The following TNIK variants were observed in gnomAD, a reference collection of about 807,000 sequenced individuals.
TNIK encodes TRAF2 and NCK interacting kinase.
A neutral mutation model predicts 191.3 loss-of-function variants in TNIK; 49 were observed. The observed-to-expected ratio is 0.26, with a 90% confidence interval of 0.20 to 0.32. The LOEUF is 0.32. Ranked by LOEUF, TNIK falls within the 10% of genes least tolerant of loss-of-function variation. TNIK has a pLI of 1.00. For missense variants in TNIK, 1,155 were observed against 1,702.3 expected (o/e 0.68, Z 5.66); for synonymous variants, 594 against 600.9 (o/e 0.99, Z 0.17).
intron 3 of TNIK, 68 bp downstream of exon 3, chr3:171,228,097 G>T: frequency 6.5e-7 from 1 of 1,527,330 alleles, no homozygotes; most frequent in Non-Finnish European, 9.1e-7. Flanking sequence ...GGCCTATCAG[G>T]ATGTGAACTC....
At chr3:171,293,999 C>T (rs908315027) in intron 2 of TNIK, among the ~76,000 whole-genome samples, 2 of 151,982 alleles carry the variant, frequency 1.3e-5, no homozygotes, top group East Asian at 1.9e-4. Context: ...CTGAGGCAGG[C>T]GGATTGCCTG....
chr3:171,283,340 G>A (rs961141006), intron 2 of TNIK, among the ~76,000 whole-genome samples: 1 of 151,736 alleles, frequency 6.6e-6, no homozygotes, highest in East Asian at 1.9e-4. Flanking sequence ...CTCTTTTGAT[G>A]GGGGATGAGG....
intron 2 of TNIK, among the ~76,000 whole-genome samples, chr3:171,232,416 A>G (rs1374912519): frequency 6.6e-6 from 1 of 152,126 alleles, no homozygotes; most frequent in Non-Finnish European, 1.5e-5. Flanking sequence ...AAAGGAGATA[A>G]AAGAGTTTAA....
chr3:171,278,472 A>AT (rs1238312681), intron 2 of TNIK, among the ~76,000 whole-genome samples: 4 of 152,170 alleles, frequency 2.6e-5, no homozygotes, highest in Non-Finnish European at 4.4e-5. Context: ...ATAGATACTT[A>AT]TTTTTTTAAA....
intron 10 of TNIK, among the ~76,000 whole-genome samples, chr3:171,162,326 A>G (rs1187475800): frequency 6.6e-6 from 1 of 152,188 alleles, no homozygotes; most frequent in Non-Finnish European, 1.5e-5. Context: ...TGGGAGGCTG[A>G]GGCAGGAGAA....
At chr3:171,142,367 G>A (rs1332440674) in intron 12 of TNIK, among the ~76,000 whole-genome samples, 1 of 152,228 alleles carries the variant, frequency 6.6e-6, no homozygotes, top group Non-Finnish European at 1.5e-5. Flanking sequence ...GAGAGTCCAT[G>A]TTTATAATCA....
At position 171,211,684 on chromosome 3, in the gene TNIK, A is replaced by G. The variant is rs116314430; in HGVS notation, c.181-443T>C. ...ATTTTGTTAGGTTCATTTTCTTTGAAGGCTCCTTTCATTGAAGTACCTGAC... is the reference window on the plus strand; with the variant it reads ...ATTTTGTTAGGTTCATTTTCTTTGAGGGCTCCTTTCATTGAAGTACCTGAC... On this transcript the variant is annotated intron_variant, in intron 3 of 32. Transcript: ENST00000436636. Among the ~76,000 whole-genome samples, 250 of 152,272 alleles carry G rather than the reference A, an allele frequency of 1.6e-3. 1 individual carries two copies. Among genetic ancestry groups the G allele is most frequent in the South Asian group, 3.1e-3 (15 of 4,826 alleles).
chr3:171,112,971 T>C (rs1047101968), intron 18 of TNIK, among the ~76,000 whole-genome samples: 2 of 152,120 alleles, frequency 1.3e-5, no homozygotes, highest in South Asian at 2.1e-4. Context: ...AGGCCTAAGT[T>C]TGGGGTGTGT....
chr3:171,435,455 G>C (rs1414334966), intron 1 of TNIK, among the ~76,000 whole-genome samples: 1 of 152,228 alleles, frequency 6.6e-6, no homozygotes, highest in African/African-American at 2.4e-5. Flanking sequence ...GGAACCAACA[G>C]TGTGCACCAC....
rs1257630060 is a variant in TNIK, at chr3:171,060,006, T to C, written c.*3875A>G. 6.6e-6 allele frequency among the ~76,000 whole-genome samples: 1 copy of C among 152,150 alleles called. No homozygotes were observed. Among genetic ancestry groups the C allele is most frequent in the African/African-American group, 2.4e-5 (1 of 41,438 alleles). On this transcript the variant is annotated 3_prime_UTR_variant, in exon 33 of 33. Transcript: ENST00000436636. Reference sequence around the variant, plus strand: ...CCTGCAGTAGGTTAAAATTAAAAGTTTTATCAATAACTATTTTTTTTCTTA... The same window carrying C: ...CCTGCAGTAGGTTAAAATTAAAAGTCTTATCAATAACTATTTTTTTTCTTA...
At chr3:171,164,386 A>T (rs1354296691) in intron 10 of TNIK, among the ~76,000 whole-genome samples, 1 of 152,256 alleles carries the variant, frequency 6.6e-6, no homozygotes, top group Non-Finnish European at 1.5e-5. Context: ...GTATGGGTCA[A>T]TAAGTAATTG....
intron 11 of TNIK, among the ~76,000 whole-genome samples, chr3:171,157,910 A>G (rs1232290766): frequency 1.3e-5 from 2 of 152,206 alleles, no homozygotes; most frequent in East Asian, 3.8e-4. Flanking sequence ...GGGATGTCAC[A>G]TTCTCAGAGT....
chr3:171,213,268 G>A (rs776518526), intron 3 of TNIK, among the ~76,000 whole-genome samples: 2 of 152,116 alleles, frequency 1.3e-5, no homozygotes, highest in African/African-American at 2.4e-5. Flanking sequence ...TAGGATGTGA[G>A]CGGATGTACT....
intron 2 of TNIK, among the ~76,000 whole-genome samples, chr3:171,356,139 C>T (rs1038787633): frequency 3.9e-5 from 6 of 152,038 alleles, no homozygotes; most frequent in African/African-American, 1.4e-4. Flanking sequence ...TTCATTTCAA[C>T]AAACATTTAT....
chr3:171,384,756 G>C (rs1718510441), intron 1 of TNIK, among the ~76,000 whole-genome samples: 1 of 152,152 alleles, frequency 6.6e-6, no homozygotes, highest in Non-Finnish European at 1.5e-5. Context: ...TAAAATACAT[G>C]AAATATAAAT....
At chr3:171,292,791 A>T (rs1463243303) in intron 2 of TNIK, among the ~76,000 whole-genome samples, 1 of 151,390 alleles carries the variant, frequency 6.6e-6, no homozygotes, top group African/African-American at 2.4e-5. Flanking sequence ...AAAAAAAAAA[A>T]AAAAGAATCA....
chr3:171,334,956 C>A (rs1402368533), intron 2 of TNIK, among the ~76,000 whole-genome samples: 1 of 148,690 alleles, frequency 6.7e-6, no homozygotes, highest in Non-Finnish European at 1.5e-5. Flanking sequence ...CAACAGATCA[C>A]TGTCATTTGA....
chr3:171,153,006 C>T (rs1257841282), intron 12 of TNIK, among the ~76,000 whole-genome samples: 1 of 152,042 alleles, frequency 6.6e-6, no homozygotes, highest in Non-Finnish European at 1.5e-5. Flanking sequence ...CTCCTGATCT[C>T]GTGATCCACC....
intron 10 of TNIK, among the ~76,000 whole-genome samples, chr3:171,165,096 T>C (rs1010096843): frequency 7.2e-5 from 11 of 152,078 alleles, no homozygotes; most frequent in African/African-American, 2.2e-4. Context: ...AAGACCAGCC[T>C]GGGCAACATA....
Sources: allele counts gnomAD v4.1 joint callset (sites outside exome capture counted in the v4.1 genomes callset), GRCh38; gene constraint gnomAD v4.1.1; transcripts MANE v1.5; gene names NCBI Gene and HGNC (gene_info 2026-07-23, HGNC 2026-07-21).